The following LRRC20 variants were observed in gnomAD, a reference collection of about 807,000 sequenced individuals.
The protein encoded by LRRC20 is leucine-rich repeat-containing protein 20.
Under a neutral mutation model 14.4 loss-of-function variants are expected in LRRC20, and 11 were observed. The ratio of observed to expected loss-of-function variants is 0.77; its 90% CI spans 0.48 to 1.27. LRRC20 has a LOEUF of 1.27. Ranked by LOEUF, LRRC20 falls within the 50% of genes most tolerant of loss-of-function variation. The pLI is 0.00. For missense variants in LRRC20, 219 were observed against 251.2 expected, an observed-to-expected ratio of 0.87 and a Z score of 0.87; for synonymous variants, 121 against 107.3, an observed-to-expected ratio of 1.13 and a Z score of -0.79.
chr10:70,305,842 G>A (rs1162082564), intron 4 of LRRC20, among the ~76,000 whole-genome samples: 2 of 151,084 alleles, frequency 1.3e-5, no homozygotes, highest in African/African-American at 2.4e-5. Context: ...CCGGGTTCAC[G>A]CCATTCTCCT....
chr10:70,375,061 G>C (rs535876288), intron 2 of LRRC20, among the ~76,000 whole-genome samples: 1 of 152,080 alleles, frequency 6.6e-6, no homozygotes, highest in African/African-American at 2.4e-5. Context: ...GCTCTGAACC[G>C]CAGTCTCAGT....
intron 2 of LRRC20, among the ~76,000 whole-genome samples, chr10:70,356,371 G>C (rs925597785): frequency 1.3e-5 from 2 of 152,124 alleles, no homozygotes; most frequent in Admixed American, 6.6e-5. Flanking sequence ...AAGTAGCTGG[G>C]TGTGGTAGTG....
chr10:70,314,576 C>T (rs746155541), intron 4 of LRRC20, among the ~76,000 whole-genome samples: 3 of 152,014 alleles, frequency 2.0e-5, no homozygotes, highest in Non-Finnish European at 2.9e-5. Flanking sequence ...TCATGAAGCC[C>T]GAATCCCACC....
chr10:70,360,460 A>G (rs1452734519), intron 2 of LRRC20, among the ~76,000 whole-genome samples: 1 of 149,828 alleles, frequency 6.7e-6, no homozygotes, highest in Non-Finnish European at 1.5e-5. Flanking sequence ...CTTTTGAGAC[A>G]GGGTCTCACT....
At chr10:70,341,830 T>C (rs1226214321) in intron 2 of LRRC20, among the ~76,000 whole-genome samples, 1 of 152,282 alleles carries the variant, frequency 6.6e-6, no homozygotes, top group Non-Finnish European at 1.5e-5. Context: ...AGCTATAGCA[T>C]GGCTGAACCC....
intron 4 of LRRC20, among the ~76,000 whole-genome samples, chr10:70,311,666 T>C (rs2136898229): frequency 1.3e-5 from 2 of 152,288 alleles, no homozygotes; most frequent in Middle Eastern, 6.8e-3. Context: ...AATGTCCCTT[T>C]AACTTTCCCA....
intron 2 of LRRC20, among the ~76,000 whole-genome samples, chr10:70,356,041 A>G (rs561131854): frequency 3.3e-4 from 50 of 152,316 alleles, no homozygotes; most frequent in Admixed American, 8.5e-4. Flanking sequence ...TGGCTATCAT[A>G]CTCAGTCAGA....
intron 4 of LRRC20, among the ~76,000 whole-genome samples, chr10:70,323,262 C>T (rs953208050): frequency 6.6e-6 from 1 of 152,078 alleles, no homozygotes; most frequent in East Asian, 1.9e-4. Flanking sequence ...ACAGGAGACA[C>T]ATAATCGCTG....
intron 4 of LRRC20, among the ~76,000 whole-genome samples, chr10:70,321,919 C>A (rs1181096314): frequency 1.3e-5 from 2 of 152,218 alleles, no homozygotes; most frequent in Non-Finnish European, 2.9e-5. Context: ...TTATTACTGT[C>A]ATTCTGCAGA....
intron 2 of LRRC20, among the ~76,000 whole-genome samples, chr10:70,363,107 T>TAAAA (rs766926111): frequency 3.1e-5 from 1 of 32,088 alleles, no homozygotes; most frequent in Non-Finnish European, 7.6e-5. Flanking sequence ...TTATCTCTAT[T>TAAAA]AAAAAAAAAA....
chr10:70,361,302 C>T (rs140711745), intron 2 of LRRC20, among the ~76,000 whole-genome samples: 1 of 152,362 alleles, frequency 6.6e-6, no homozygotes, highest in Non-Finnish European at 1.5e-5. Flanking sequence ...TATGCCAGCA[C>T]TGTCCGAGGA....
At chr10:70,328,620 T>C (rs1341218910) in intron 3 of LRRC20, among the ~76,000 whole-genome samples, 14 of 152,170 alleles carry the variant, frequency 9.2e-5, no homozygotes, top group Admixed American at 9.2e-4. Flanking sequence ...CTTTGAAAAT[T>C]AAATACACTC....
Position 70,335,955 on chromosome 10 carries a change from C to A in LRRC20, c.232+4598G>T, listed in dbSNP as rs74139081. On this transcript the variant is annotated intron_variant, in intron 3 of 4. Transcript: ENST00000446961. The stretch of plus-strand genomic sequence containing the variant: ...TTCCAACACCTGGACACCCACAGAC[C>A]GTGGACAAACGTCTGCTGCACCGCC... Among the ~76,000 whole-genome samples, 85 of 152,278 alleles carry A rather than the reference C, an allele frequency of 5.6e-4. 1 individual carries two copies. Among genetic ancestry groups the A allele is most frequent in the African/African-American group, 1.9e-3 (78 of 41,544 alleles).
At chr10:70,307,942 G>A (rs1841486229) in intron 4 of LRRC20, among the ~76,000 whole-genome samples, 2 of 152,222 alleles carry the variant, frequency 1.3e-5, no homozygotes, top group African/African-American at 2.4e-5. Context: ...CACTGGTCTG[G>A]GGCCTGCATC....
chr10:70,338,453 C>T (rs1842789714), intron 3 of LRRC20, among the ~76,000 whole-genome samples: 1 of 152,160 alleles, frequency 6.6e-6, no homozygotes, highest in African/African-American at 2.4e-5. Flanking sequence ...TTTTCATATC[C>T]CTATCACGTA....
intron 4 of LRRC20, among the ~76,000 whole-genome samples, chr10:70,321,439 GT>G: frequency 6.6e-6 from 1 of 152,218 alleles, no homozygotes; most frequent in Non-Finnish European, 1.5e-5. Flanking sequence ...AGCCACTCAA[GT>G]AACTCGGATG....
At chr10:70,357,906 G>C (rs1332026969) in intron 2 of LRRC20, among the ~76,000 whole-genome samples, 3 of 152,240 alleles carry the variant, frequency 2.0e-5, no homozygotes, top group Admixed American at 1.3e-4. Flanking sequence ...GGTCCGAGTG[G>C]AGGAGGCCAC....
At chr10:70,325,686 A>G (rs1209227844) in intron 3 of LRRC20, among the ~76,000 whole-genome samples, 2 of 152,202 alleles carry the variant, frequency 1.3e-5, no homozygotes, top group Non-Finnish European at 2.9e-5. Flanking sequence ...GCCAGGGTGG[A>G]AGGCAGTCAG....
chr10:70,303,278 C>T (rs918675203), intron 4 of LRRC20, among the ~76,000 whole-genome samples: 9 of 152,182 alleles, frequency 5.9e-5, no homozygotes, highest in Non-Finnish European at 1.2e-4. Flanking sequence ...ATGCCATCTG[C>T]TCCATCATAC....
Sources: allele counts gnomAD v4.1 joint callset (sites outside exome capture counted in the v4.1 genomes callset), GRCh38; gene constraint gnomAD v4.1.1; transcripts MANE v1.5; gene names NCBI Gene and HGNC (gene_info 2026-07-23, HGNC 2026-07-21).